DMBT1: variants seen among roughly 807,000 people sequenced by gnomAD.
DMBT1 encodes scavenger receptor cysteine-rich domain-containing protein DMBT1.
DMBT1 carries 198 observed loss-of-function variants against 252.9 expected under a neutral mutation model. That is an observed-to-expected ratio of 0.78 (90% confidence interval 0.70 to 0.88). The LOEUF is 0.88. DMBT1 is among the 40% of genes least tolerant of loss of function. The probability of loss-of-function intolerance (pLI) is 0.00; values close to 1 mark genes in which losing one functional copy is unlikely to be tolerated. For synonymous variants in DMBT1, 990 were observed against 942.7 expected, an observed-to-expected ratio of 1.05 and a Z score of -0.92; for missense variants, 2,432 against 2,404.7, an observed-to-expected ratio of 1.01 and a Z score of -0.24.
At chr10:122,600,169 C>T in intron 27 of DMBT1, 76 bp downstream of exon 27, 2 of 1,535,020 alleles carry the variant, frequency 1.3e-6, no homozygotes, top group Non-Finnish European at 1.8e-6. Flanking sequence ...CCACAGAGCT[C>T]TCCTGTTTCT....
rs761424770 is a variant in DMBT1, at chr10:122,579,573, T to C, written c.680-5T>C. On this transcript the variant is annotated splice_region_variant and splice_polypyrimidine_tract_variant and intron_variant, in intron 9 of 55. Coordinates refer to ENST00000338354, the MANE Select transcript of DMBT1 (RefSeq NM_001377530.1). The stretch of plus-strand genomic sequence containing the variant: ...TGGATGAAGGGTTCTTGTGTTCCCC[T>C]GTAGGATCTGAATCCAGTTTGGCCC... 11 of 1,612,932 alleles carry C rather than the reference T, an allele frequency of 6.8e-6. No homozygotes were observed. The highest frequency in any genetic ancestry group is 1.7e-5 in the Admixed American group (1 of 60,004).
In DMBT1 at chr10:122,589,185, G is replaced by A. The variant is rs1348149857; in HGVS notation, c.2025G>A (p.Glu675=). The change falls in exon 17 of 56, where the codon GAG becomes GAA. Residue 675 remains glutamate, a synonymous_variant. Coordinates refer to ENST00000338354, the MANE Select transcript of DMBT1 (RefSeq NM_001377530.1). ...VLDDVRCSGH[E]SYLWSCPNNG... ...ATGATGTGCGCTGCTCAGGACATGAGTCCTACCTGTGGAGCTGCCCCAACA... is the reference window on the plus strand; with the variant it reads ...ATGATGTGCGCTGCTCAGGACATGAATCCTACCTGTGGAGCTGCCCCAACA... The A allele has an allele frequency of 4.4e-6, 7 of 1,588,476 alleles. 2 individuals carry two copies. Among genetic ancestry groups the A allele is most frequent in the Non-Finnish European group, 6.0e-6 (7 of 1,165,724 alleles).
At chr10:122,570,384 C>G (rs2097650107) in intron 3 of DMBT1, among the ~76,000 whole-genome samples, 175 bp downstream of exon 3, 1 of 152,204 alleles carries the variant, frequency 6.6e-6, no homozygotes, top group Non-Finnish European at 1.5e-5. Context: ...ATCCAACTAC[C>G]AAGTGAGACT....
intron 50 of DMBT1, 36 bp downstream of exon 50, chr10:122,631,911 C>T: frequency 6.2e-7 from 1 of 1,605,582 alleles, no homozygotes; most frequent in Non-Finnish European, 8.5e-7. Context: ...CTTCCCTGGT[C>T]TCCAGGTCTC....
At chr10:122,564,455 T>C (rs2097572856) in intron 1 of DMBT1, among the ~76,000 whole-genome samples, 1 of 152,104 alleles carries the variant, frequency 6.6e-6, no homozygotes, top group African/African-American at 2.4e-5. Context: ...AAAATAATAA[T>C]CTGATAATTT....
chr10:122,633,373 C>A (rs1412786228), intron 52 of DMBT1, 32 bp downstream of exon 52: 6 of 1,609,184 alleles, frequency 3.7e-6, no homozygotes, highest in Non-Finnish European at 5.1e-6. Flanking sequence ...TGCCTTGGGG[C>A]CCCACAGACC....
chr10:122,632,096 G>A (rs928362834), intron 50 of DMBT1, among the ~76,000 whole-genome samples: 1 of 152,008 alleles, frequency 6.6e-6, no homozygotes, highest in Non-Finnish European at 1.5e-5. Flanking sequence ...AGTCAGTCCC[G>A]AGGTGAGGCC....
chr10:122,572,907 A>T (rs2097677985), intron 5 of DMBT1, among the ~76,000 whole-genome samples: 1 of 152,216 alleles, frequency 6.6e-6, no homozygotes, highest in South Asian at 2.1e-4. Flanking sequence ...CTTTACTGGA[A>T]ATTAAGTGAC....
intron 27 of DMBT1, among the ~76,000 whole-genome samples, chr10:122,600,608 A>C (rs1404612655): frequency 6.6e-6 from 1 of 152,174 alleles, no homozygotes; most frequent in African/African-American, 2.4e-5. Flanking sequence ...GCTTAACCAG[A>C]AACCTGATTC....
intron 27 of DMBT1, among the ~76,000 whole-genome samples, chr10:122,600,488 C>G (rs889901688): frequency 6.6e-6 from 1 of 152,212 alleles, no homozygotes; most frequent in African/African-American, 2.4e-5. Context: ...ATACCCCCAT[C>G]CTTCACTGCT....
chr10:122,630,185 A>C (rs922669247), intron 47 of DMBT1, 103 bp from the exon 48 acceptor site: 69 of 1,377,596 alleles, frequency 5.0e-5, no homozygotes, highest in South Asian at 6.5e-5. Flanking sequence ...AGCTAGAAGA[A>C]AAACCTGTAT....
chr10:122,599,792 A>G (rs774042970), intron 26 of DMBT1, among the ~76,000 whole-genome samples: 5 of 152,132 alleles, frequency 3.3e-5, no homozygotes, highest in Admixed American at 6.5e-5. Context: ...AGAATGCCTA[A>G]GACGTGCAAG....
chr10:122,625,426 G>A, intron 45 of DMBT1, 123 bp downstream of exon 45: 2 of 942,810 alleles, frequency 2.1e-6, no homozygotes, highest in East Asian at 2.6e-5. Context: ...TGAGGACTCT[G>A]ATCTTTGTTA....
intron 54 of DMBT1, among the ~76,000 whole-genome samples, chr10:122,637,687 T>G (rs1219207486): frequency 6.6e-6 from 1 of 152,182 alleles, no homozygotes; most frequent in Admixed American, 6.5e-5. Context: ...CCTCATTAAG[T>G]CAAAGAATGC....
At position 122,560,761 on chromosome 10, in the gene DMBT1, AC is replaced by A; in HGVS notation, c.-7del. 1 of 1,563,736 alleles carries A rather than the reference AC, an allele frequency of 6.4e-7. No individual in the cohort carries two copies. Reference sequence around the variant, plus strand: ...AGGATTTTCTATTCAATTGAGAAGAACCCAGCAAAATGGGGATCTCCACAGT... The same window carrying A: ...AGGATTTTCTATTCAATTGAGAAGAACCAGCAAAATGGGGATCTCCACAGT... On this transcript the variant is annotated 5_prime_UTR_variant, in exon 1 of 56. Transcript: ENST00000338354.
In DMBT1 at chr10:122,577,831, C is replaced by G. The variant is rs1158964689; in HGVS notation, c.628C>G (p.Leu210Val). The change falls in exon 8 of 56, where the codon CTC (leucine) becomes GTC (valine). Residue 210 changes from leucine to valine, a missense_variant. By Grantham distance (32) the Leu-to-Val change is conservative. This residue lies in a region of DMBT1 where 1,264 missense variants were observed against 1,082.2 expected (regional missense o/e 1.17). Coordinates refer to ENST00000338354, the MANE Select transcript of DMBT1 (RefSeq NM_001377530.1). The part of the protein sequence containing the change: ...ICSAAQPQST[L>V]RPESWPVRIS... ...CACAGCTGCCCAGCCTCAGTCAACA[C>G]TCAGGCCAGGTGAGTCCCCAGAATC... 1.9e-5 allele frequency: 30 copies of G among 1,613,702 alleles called. No homozygotes were observed. Among genetic ancestry groups the G allele is most frequent in the Non-Finnish European group, 2.5e-5 (29 of 1,179,784 alleles).
intron 49 of DMBT1, 53 bp from the exon 50 acceptor site, chr10:122,631,802 C>T: frequency 8.1e-6 from 13 of 1,607,744 alleles, no homozygotes; most frequent in South Asian, 1.1e-5. Context: ...ATTCCGGCCC[C>T]TCCTCCAAGC....
chr10:122,620,556 C>A (rs1258818825), intron 43 of DMBT1, among the ~76,000 whole-genome samples: 1 of 152,178 alleles, frequency 6.6e-6, no homozygotes, highest in Non-Finnish European at 1.5e-5. Flanking sequence ...CCCTGGAGGG[C>A]TCCCTAATCC....
In DMBT1 at chr10:122,591,655, G is replaced by T. The variant is rs2277239; in HGVS notation, c.2176+138G>T. On this transcript the variant is annotated intron_variant, in intron 19 of 55. Transcript: ENST00000338354. ...TGTGCGCTGAGTGGGAGGAAGTTGAGTCTCTGGGGAACCAGTCCCGGGTCG... is the reference window on the plus strand; with the variant it reads ...TGTGCGCTGAGTGGGAGGAAGTTGATTCTCTGGGGAACCAGTCCCGGGTCG... The T allele has an allele frequency of 6.5e-3, 6,673 of 1,030,966 alleles. 1,103 individuals are homozygous for T. In the East Asian group the frequency reaches 0.13, roughly 21 times the overall value. The allele number at this position is 1,030,966 out of a possible 1,614,324, so 63.9% of individuals were successfully genotyped here.
Sources: allele counts gnomAD v4.1 joint callset (sites outside exome capture counted in the v4.1 genomes callset), GRCh38; gene constraint gnomAD v4.1.1; regional missense constraint gnomAD v4.1.1; transcripts MANE v1.5; gene names NCBI Gene and HGNC (gene_info 2026-07-23, HGNC 2026-07-21).